Variants in ADAMTS3 observed in about 807,000 individuals in gnomAD.
ADAMTS3 encodes ADAM metallopeptidase with thrombospondin type 1 motif 3.
In ADAMTS3, 73 loss-of-function variants were observed where a neutral mutation model predicts 129.0. That is an observed-to-expected ratio of 0.57 (90% CI 0.47 to 0.69). ADAMTS3 has a LOEUF of 0.69. Among genes scored for constraint, ADAMTS3 ranks in the 30% least tolerant of loss-of-function variants. ADAMTS3 has a pLI of 0.00. For missense variants in ADAMTS3, 1,457 were observed against 1,514.5 expected (o/e 0.96, Z 0.63); for synonymous variants, 477 against 510.8 (o/e 0.93, Z 0.89).
At chr4:72,467,786 A>G (rs927730016) in intron 3 of ADAMTS3, among the ~76,000 whole-genome samples, 1 of 151,964 alleles carries the variant, frequency 6.6e-6, no homozygotes, top group Admixed American at 6.6e-5. Flanking sequence ...TCATCATACC[A>G]CACTGTAATC....
intron 3 of ADAMTS3, among the ~76,000 whole-genome samples, chr4:72,496,102 C>A (rs700514): frequency 0.87 from 132,518 of 152,178 alleles, 58,739 homozygotes; most frequent in Middle Eastern, 0.97. Flanking sequence ...AGACTTTTCT[C>A]AGTTGTAGCT....
chr4:72,530,720 TA>T (rs1293641154), intron 3 of ADAMTS3, among the ~76,000 whole-genome samples: 8 of 81,662 alleles, frequency 9.8e-5, no homozygotes, highest in African/African-American at 4.5e-4. Flanking sequence ...TTATATATAA[TA>T]TTATACATTA....
At chr4:72,528,506 A>G (rs189177943) in intron 3 of ADAMTS3, among the ~76,000 whole-genome samples, 1 of 147,492 alleles carries the variant, frequency 6.8e-6, no homozygotes, top group Non-Finnish European at 1.5e-5. Context: ...TTGTTTGTCA[A>G]TTAAAAGTGA....
intron 3 of ADAMTS3, among the ~76,000 whole-genome samples, chr4:72,425,228 A>G (rs1722539615): frequency 6.6e-6 from 1 of 152,168 alleles, no homozygotes; most frequent in Non-Finnish European, 1.5e-5. Context: ...GAAAATGACA[A>G]TTCATAAGCC....
chr4:72,313,695 C>T lies in ADAMTS3; in HGVS notation c.1727G>A (p.Arg576His), dbSNP rs377163219. ...TACTCACATGGGATTATTGCACTGG[C>T]GTGTTCTGAAACGAACACCAGTTCC... ...TCGTGVRFRT[R>H]QCNNPMPING... The change falls in exon 12 of 22, where the codon CGC becomes CAC. Residue 576 changes from arginine to histidine, a missense_variant. Transcript: ENST00000286657. 2.4e-5 allele frequency: 38 copies of T among 1,613,402 alleles called. No individual in the cohort carries two copies. The African/African-American group carries it at 2.7e-4, about 11-fold the overall frequency.
intron 3 of ADAMTS3, among the ~76,000 whole-genome samples, chr4:72,480,498 G>T (rs1409810389): frequency 6.6e-6 from 1 of 151,436 alleles, no homozygotes; most frequent in Admixed American, 6.6e-5. Context: ...TGAACAATGA[G>T]AACACATGGA....
At chr4:72,333,218 T>C (rs1239763007) in intron 5 of ADAMTS3, among the ~76,000 whole-genome samples, 1 of 152,184 alleles carries the variant, frequency 6.6e-6, no homozygotes, top group Non-Finnish European at 1.5e-5. Flanking sequence ...ACATTAAATC[T>C]TCATTTTGAA....
At chr4:72,457,367 G>A (rs979775263) in intron 3 of ADAMTS3, among the ~76,000 whole-genome samples, 2 of 151,634 alleles carry the variant, frequency 1.3e-5, no homozygotes. Context: ...AATCTTAAGA[G>A]GTTTGGAATA....
In ADAMTS3 at chr4:72,458,177, C is replaced by T. The variant is rs188253561; in HGVS notation, c.505-43206G>A. Among the ~76,000 whole-genome samples, 182 of 151,622 alleles carry T rather than the reference C, an allele frequency of 1.2e-3. 1 individual carries two copies. Among genetic ancestry groups the T allele is most frequent in the African/African-American group, 4.0e-3 (166 of 41,438 alleles). ...TTTACTGTTAGGAAGGAAGACAGAA[C>T]TCTAGGACCATATTTTAGATTATTA... On this transcript the variant is annotated intron_variant, in intron 3 of 21. Coordinates refer to ENST00000286657, the MANE Select transcript of ADAMTS3 (RefSeq NM_014243.3).
At chr4:72,431,193 T>C (rs980921496) in intron 3 of ADAMTS3, among the ~76,000 whole-genome samples, 61 of 152,034 alleles carry the variant, frequency 4.0e-4, no homozygotes, top group African/African-American at 1.4e-3. Context: ...TATGGCACAA[T>C]GGCGAAAATG....
rs1722266350 is a variant in ADAMTS3 at position 72,414,903 on chromosome 4, C to T, written c.573G>A (p.Glu191=). 1.3e-6 allele frequency: 2 copies of T among 1,584,294 alleles called. No individual in the cohort carries two copies. Among genetic ancestry groups the T allele is most frequent in the Non-Finnish European group, 1.7e-6 (2 of 1,166,852 alleles). Residue 191 remains glutamate, a synonymous_variant, in exon 4 of 22, where the codon GAG becomes GAA. Transcript: ENST00000286657. ...CAACATGAATCCTTCCTTTTTCTTC[C>T]TCCATCTGTTTACCTCTTTCCAAGG... ...IEPLERGKQM[E]EEKGRIHVVY...
Position 72,338,504 on chromosome 4 carries a change from A to G in ADAMTS3, c.861+990T>C, listed in dbSNP as rs369767437. On this transcript the variant is annotated intron_variant, in intron 5 of 21. Coordinates refer to ENST00000286657, the MANE Select transcript of ADAMTS3 (RefSeq NM_014243.3). ...CTCAATAGACCAAAATATAATTAAC[A>G]GATATTAGCATAAACAAAATCATGT... Among the ~76,000 whole-genome samples, 68 of 152,302 alleles carry G rather than the reference A, an allele frequency of 4.5e-4. 2 individuals are homozygous for G. The South Asian group carries it at 0.014, about 31-fold the overall frequency.
Position 72,437,824 on chromosome 4 carries a change from T to C in ADAMTS3, c.505-22853A>G, listed in dbSNP as rs78493461. Reference sequence around the variant, plus strand: ...AAAACTGCTAGGTGAAGTCATGTAGTGTGTCTATTTTCATTAATATTAACA... The same window carrying C: ...AAAACTGCTAGGTGAAGTCATGTAGCGTGTCTATTTTCATTAATATTAACA... On this transcript the variant is annotated intron_variant, in intron 3 of 21. Coordinates refer to ENST00000286657, the MANE Select transcript of ADAMTS3 (RefSeq NM_014243.3). Among the ~76,000 whole-genome samples, 242 of 151,946 alleles carry C rather than the reference T, an allele frequency of 1.6e-3. 1 individual carries two copies. The highest frequency in any genetic ancestry group is 5.6e-3 in the African/African-American group (232 of 41,530).
At chr4:72,455,025 C>A (rs1718505750) in intron 3 of ADAMTS3, among the ~76,000 whole-genome samples, 1 of 151,630 alleles carries the variant, frequency 6.6e-6, no homozygotes, top group African/African-American at 2.4e-5. Context: ...TTGTAAGGAA[C>A]AAACCAACAG....
At chr4:72,482,735 A>T (rs1004131126) in intron 3 of ADAMTS3, among the ~76,000 whole-genome samples, 7 of 152,034 alleles carry the variant, frequency 4.6e-5, no homozygotes, top group African/African-American at 7.2e-5. Flanking sequence ...GGTTTAATTT[A>T]AAAAAAATGT....
intron 3 of ADAMTS3, among the ~76,000 whole-genome samples, chr4:72,427,417 G>A (rs1218206746): frequency 6.6e-6 from 1 of 152,066 alleles, no homozygotes; most frequent in Non-Finnish European, 1.5e-5. Context: ...AGCCAGTTAT[G>A]TCAATGACCT....
chr4:72,397,301 C>T (rs920287600), intron 4 of ADAMTS3, among the ~76,000 whole-genome samples: 1 of 152,008 alleles, frequency 6.6e-6, no homozygotes, highest in Non-Finnish European at 1.5e-5. Context: ...CGCAGTGGCT[C>T]ACACCGTAAT....
intron 15 of ADAMTS3, among the ~76,000 whole-genome samples, chr4:72,308,529 C>A (rs1408847977): frequency 6.6e-6 from 1 of 151,862 alleles, no homozygotes; most frequent in Non-Finnish European, 1.5e-5. Flanking sequence ...CTTTGGAAGA[C>A]ATCAAAATCT....
chr4:72,413,862 G>C lies in ADAMTS3; in HGVS notation c.661+953C>G, dbSNP rs28504535. Reference sequence around the variant, plus strand: ...AATATAGTCCTGTTGTTTCAAATGAGAAATTTCTTTAAAATTTTCAAGATA... The same window carrying C: ...AATATAGTCCTGTTGTTTCAAATGACAAATTTCTTTAAAATTTTCAAGATA... On this transcript the variant is annotated intron_variant, in intron 4 of 21. Coordinates refer to ENST00000286657, the MANE Select transcript of ADAMTS3 (RefSeq NM_014243.3). 9.6e-4 allele frequency among the ~76,000 whole-genome samples: 145 copies of C among 151,832 alleles called. 1 individual carries two copies. Among genetic ancestry groups the C allele is most frequent in the Non-Finnish European group, 1.8e-3 (123 of 67,808 alleles).
Sources: allele counts gnomAD v4.1 joint callset (sites outside exome capture counted in the v4.1 genomes callset), GRCh38; gene constraint gnomAD v4.1.1; transcripts MANE v1.5; gene names NCBI Gene and HGNC (gene_info 2026-07-23, HGNC 2026-07-21).